The following SLC5A8 variants were observed in gnomAD, a reference collection of about 807,000 sequenced individuals.
SLC5A8 encodes the protein sodium-coupled monocarboxylate transporter 1.
A neutral mutation model predicts 71.9 loss-of-function variants in SLC5A8; 55 were observed. The ratio of observed to expected loss-of-function variants is 0.77; its 90% CI spans 0.62 to 0.96. SLC5A8 has a LOEUF of 0.96. SLC5A8 is among the 40% of genes least tolerant of loss of function. The pLI is 0.00. For missense variants in SLC5A8, 701 were observed against 745.3 expected (o/e 0.94, Z 0.69); for synonymous variants, 307 against 276.1 (o/e 1.11, Z -1.11).
rs139225993 is a variant in SLC5A8 at position 101,200,533 on chromosome 12, G to A, written c.469+1631C>T. On this transcript the variant is annotated intron_variant, in intron 3 of 14. Coordinates refer to ENST00000536262, the MANE Select transcript of SLC5A8 (RefSeq NM_145913.5). ...TGATTGCAATCACATAAGCTTATTT[G>A]GATCCTGATTCTTATAAACACTGAA... is the stretch of plus-strand genomic sequence containing the variant. Among the ~76,000 whole-genome samples, 443 of 152,010 alleles carry A rather than the reference G, an allele frequency of 2.9e-3. 4 individuals carry two copies. The highest frequency in any genetic ancestry group is 0.01 in the African/African-American group (421 of 41,500).
intron 9 of SLC5A8, among the ~76,000 whole-genome samples, chr12:101,181,956 T>C (rs1227390473): frequency 6.6e-6 from 1 of 152,196 alleles, no homozygotes; most frequent in Non-Finnish European, 1.5e-5. Context: ...AGTCTATTGA[T>C]GTTATTGTGT....
chr12:101,157,240 T>C lies in SLC5A8; in HGVS notation c.*39A>G, dbSNP rs1244680903. On this transcript the variant is annotated 3_prime_UTR_variant, in exon 15 of 15. Transcript: ENST00000536262. ...CAATTATCTTAGAAAACATATAAAA[T>C]TGAAACATCATTTAAGGATATCTAG... The C allele has an allele frequency of 1.9e-6, 3 of 1,593,436 alleles. No individual in the cohort carries two copies. The African/African-American group carries it at 4.0e-5, about 21-fold the overall frequency.
intron 12 of SLC5A8, 142 bp from the exon 13 acceptor site, chr12:101,162,219 C>G (rs1489175978): frequency 1.7e-6 from 1 of 604,090 alleles, no homozygotes; most frequent in Non-Finnish European, 2.9e-6. Context: ...CTAATTTTAT[C>G]TTATCAGATC....
intron 13 of SLC5A8, 94 bp from the exon 14 acceptor site, chr12:101,158,422 G>T: frequency 1.3e-6 from 1 of 768,102 alleles, no homozygotes; most frequent in Non-Finnish European, 2.1e-6. Context: ...ACTTGTTCAC[G>T]TTCAACTCCA....
intron 12 of SLC5A8, among the ~76,000 whole-genome samples, chr12:101,164,480 G>A (rs1203318122): frequency 3.9e-5 from 6 of 152,114 alleles, no homozygotes; most frequent in Admixed American, 2.0e-4. Flanking sequence ...TTGTATCTAG[G>A]CAACCAAAGC....
chr12:101,198,030 A>G (rs1869267330), intron 3 of SLC5A8, among the ~76,000 whole-genome samples: 2 of 152,072 alleles, frequency 1.3e-5, no homozygotes, highest in Admixed American at 1.3e-4. Flanking sequence ...AAGACATGAT[A>G]GAAAATCCTC....
intron 10 of SLC5A8, among the ~76,000 whole-genome samples, chr12:101,173,270 T>C (rs1336850251): frequency 1.3e-5 from 2 of 152,200 alleles, no homozygotes; most frequent in African/African-American, 4.8e-5. Flanking sequence ...GGTGGTGCCT[T>C]TCTCTTTGGG....
At position 101,205,001 on chromosome 12, in the gene SLC5A8, T is replaced by C. The variant is rs182113427; in HGVS notation, c.352-436A>G. On this transcript the variant is annotated intron_variant, in intron 1 of 14. Transcript: ENST00000536262. ...TTGTTCTCTTTCTCTTGGTATCTAC[T>C]CCATACATTTTTCTTGGCTCACCTG... 9.8e-5 allele frequency among the ~76,000 whole-genome samples: 15 copies of C among 152,348 alleles called. No individual in the cohort carries two copies. The East Asian group carries it at 2.5e-3, about 25-fold the overall frequency.
At chr12:101,199,141 T>C (rs1869325009) in intron 3 of SLC5A8, 1 of 151,922 alleles carries the variant, frequency 6.6e-6, no homozygotes, top group Non-Finnish European at 1.5e-5. Flanking sequence ...AACAATGACA[T>C]TTGCAATAGC....
intron 5 of SLC5A8, among the ~76,000 whole-genome samples, chr12:101,193,041 G>A (rs1868990586): frequency 6.8e-6 from 1 of 147,816 alleles, no homozygotes; most frequent in Admixed American, 6.9e-5. Flanking sequence ...GCGTGATCTC[G>A]GCTCACTGCA....
intron 2 of SLC5A8, among the ~76,000 whole-genome samples, 162 bp downstream of exon 2, chr12:101,204,338 G>C (rs191723123): frequency 2.6e-5 from 4 of 152,254 alleles, no homozygotes; most frequent in African/African-American, 7.2e-5. Context: ...TGATCTTAAG[G>C]GTTGATGCTG....
At chr12:101,197,010 A>G (rs1271225002) in intron 3 of SLC5A8, among the ~76,000 whole-genome samples, 1 of 152,240 alleles carries the variant, frequency 6.6e-6, no homozygotes, top group African/African-American at 2.4e-5. Flanking sequence ...CTGGATAAAA[A>G]TGGGACAATT....
At chr12:101,205,165 A>C (rs1172900062) in intron 1 of SLC5A8, among the ~76,000 whole-genome samples, 1 of 152,156 alleles carries the variant, frequency 6.6e-6, no homozygotes, top group East Asian at 1.9e-4. Context: ...TGAATCTTAA[A>C]GGCAGGATAC....
rs773250931 is a variant in SLC5A8, at chr12:101,168,104, T to G, written c.1312A>C (p.Asn438His). The G allele has an allele frequency of 1.3e-5, 21 of 1,607,774 alleles. No homozygotes were observed. The highest frequency in any genetic ancestry group is 1.4e-5 in the Non-Finnish European group (16 of 1,176,826). ...FALGILVPFA[N>H]SIGALVGLMA... ...TCATTCTTTGTACTTACAATTGAGT[T>G]GGCAAAGGGAACCAAAATGCCCAAA... The change falls in exon 11 of 15, where the codon AAC (asparagine) becomes CAC (histidine). Residue 438 changes from asparagine (N) to histidine (H), a missense_variant. Physicochemically the swap from Asn to His is moderately conservative, Grantham distance 68 (BLOSUM62 1). Coordinates refer to ENST00000536262, the MANE Select transcript of SLC5A8 (RefSeq NM_145913.5).
chr12:101,187,047 C>G (rs1396910154), intron 7 of SLC5A8, among the ~76,000 whole-genome samples: 2 of 152,062 alleles, frequency 1.3e-5, no homozygotes, highest in Non-Finnish European at 2.9e-5. Context: ...ACAAAATGTT[C>G]TATAGTACAA....
intron 13 of SLC5A8, 57 bp from the exon 14 acceptor site, chr12:101,158,385 A>G: frequency 9.1e-7 from 1 of 1,097,080 alleles, no homozygotes; most frequent in South Asian, 1.4e-5. Context: ...GTAACTACAC[A>G]GAGACATTCC....
intron 10 of SLC5A8, among the ~76,000 whole-genome samples, chr12:101,169,230 C>A (rs142728711): frequency 6.6e-6 from 1 of 151,946 alleles, no homozygotes; most frequent in African/African-American, 2.4e-5. Flanking sequence ...AACAAAGACA[C>A]CCAAAAAAGA....
At position 101,162,008 on chromosome 12, in the gene SLC5A8, T is replaced by C; in HGVS notation, c.1596A>G (p.Thr532=). Residue 532 remains threonine, a synonymous_variant, in exon 13 of 15, where the codon ACA becomes ACG. Transcript: ENST00000536262. ...AACTGACAAGTATCCCCACTAATAA[T>C]GTTACCAAAGTTCCAACAGTGCTGA... is the stretch of plus-strand genomic sequence containing the variant. The part of the protein sequence containing the change: ...LYFSTVGTLV[T]LLVGILVSLS... 3 of 1,613,474 alleles carry C rather than the reference T, an allele frequency of 1.9e-6. No homozygotes were observed. Among genetic ancestry groups the C allele is most frequent in the Non-Finnish European group, 2.5e-6 (3 of 1,179,578 alleles).
At chr12:101,192,054 C>A (rs779280841) in intron 5 of SLC5A8, among the ~76,000 whole-genome samples, 1 of 152,166 alleles carries the variant, frequency 6.6e-6, no homozygotes, top group Admixed American at 6.5e-5. Context: ...TTGGTTGTTT[C>A]CACTTCCTGG....
Sources: allele counts gnomAD v4.1 joint callset (sites outside exome capture counted in the v4.1 genomes callset), GRCh38; gene constraint gnomAD v4.1.1; transcripts MANE v1.5; gene names NCBI Gene and HGNC (gene_info 2026-07-23, HGNC 2026-07-21).